RBM10: variants seen among roughly 807,000 people sequenced by gnomAD.
The protein encoded by RBM10 is RNA binding motif protein 10.
A neutral mutation model predicts 84.9 loss-of-function variants in RBM10; 1 was observed. The ratio of observed to expected loss-of-function variants is 0.01; its 90% CI spans 0.00 to 0.06. The LOEUF (loss-of-function observed/expected upper bound fraction) is 0.06, where lower values mean the gene tolerates loss of function less well. RBM10 is among the 10% of genes least tolerant of loss of function. The pLI, the probability that RBM10 is intolerant of heterozygous loss-of-function variation, is 1.00. For synonymous variants in RBM10, 326 were observed against 344.5 expected (o/e 0.95, Z 0.60); for missense variants, 438 against 839.0 (o/e 0.52, Z 5.90).
At position 47,181,831 on chromosome X, in the gene RBM10, C is replaced by T. The variant is rs782304038; in HGVS notation, c.1658C>T (p.Thr553Ile). ...CCTAGTTCTGCTCTCCCACCGGCTACCAGCCCCACTGCCCAGGAATCCTAC... is the reference window on the plus strand; with the variant it reads ...CCTAGTTCTGCTCTCCCACCGGCTATCAGCCCCACTGCCCAGGAATCCTAC... ...THPSSALPPA[T>I]SPTAQESYSQ... The change falls in exon 15 of 24, where the codon ACC (threonine) becomes ATC (isoleucine). Residue 553 changes from threonine to isoleucine, a missense_variant. Coordinates refer to ENST00000377604, the MANE Select transcript of RBM10 (RefSeq NM_005676.5). The T allele has an allele frequency of 1.1e-4, 135 of 1,209,915 alleles. No individual in the cohort carries two copies. The highest frequency in any genetic ancestry group is 1.4e-4 in the Non-Finnish European group (129 of 895,204).
At chrX:47,155,791 C>CT (rs1383389549) in intron 2 of RBM10, among the ~76,000 whole-genome samples, 3 of 97,068 alleles carry the variant, frequency 3.1e-5, no homozygotes, top group African/African-American at 1.1e-4. Flanking sequence ...CCACTAGATT[C>CT]TTTTTTTTTC....
At chrX:47,159,491 G>C (rs782314715) in intron 2 of RBM10, among the ~76,000 whole-genome samples, 5 of 110,654 alleles carry the variant, frequency 4.5e-5, no homozygotes, top group African/African-American at 1.3e-4. Flanking sequence ...TATATACCCG[G>C]TAGCAGGATT....
chrX:47,153,603 A>G (rs1198702422), intron 2 of RBM10, among the ~76,000 whole-genome samples: 2 of 110,663 alleles, frequency 1.8e-5, no homozygotes, highest in East Asian at 2.8e-4. Flanking sequence ...TAGCCATTGT[A>G]TCATCTAGGA....
At chrX:47,145,621 GTTTTTTTTTTTTTGGTTTT>G (rs1932070983) in intron 1 of RBM10, 136 bp downstream of exon 1, 4 of 186,635 alleles carry the variant, frequency 2.1e-5, no homozygotes, top group Admixed American at 1.9e-4. Flanking sequence ...ACCCGGGAGG[GTTTTTTTTTTTTTGGTTTT>G]TTTTTTTTTT....
Position 47,147,340 on chromosome X carries a change from C to T in RBM10, c.-125-17C>T, listed in dbSNP as rs1932357705. 2.5e-6 allele frequency: 3 copies of T among 1,177,770 alleles called. No individual in the cohort carries two copies. Among genetic ancestry groups the T allele is most frequent in the African/African-American group, 3.5e-5 (2 of 56,488 alleles). ...TCCCAACAGTTTTGACCCCTTTCTT[C>T]CCTCCACTCTCCCCAGAGTCCCTGC... On this transcript the variant is annotated splice_polypyrimidine_tract_variant and intron_variant, in intron 1 of 23. Coordinates refer to ENST00000377604, the MANE Select transcript of RBM10 (RefSeq NM_005676.5).
At chrX:47,162,409 A>C (rs1933786629) in intron 2 of RBM10, among the ~76,000 whole-genome samples, 1 of 112,337 alleles carries the variant, frequency 8.9e-6, no homozygotes, top group East Asian at 2.8e-4. Context: ...TGTTCTATCA[A>C]ATCTTCCTTA....
At position 47,185,471 on chromosome X, in the gene RBM10, C is replaced by T. The variant is rs1556781849; in HGVS notation, c.2196C>T (p.Tyr732=). The T allele has an allele frequency of 2.6e-6, 3 of 1,173,057 alleles. No homozygotes were observed. The highest frequency in any genetic ancestry group is 3.4e-6 in the Non-Finnish European group (3 of 875,695). ...CTCCGCGAGGACTGGTGGCAGCCTACAGCGGGGAGAGTGACAGTGAGGAGG... is the reference window on the plus strand; with the variant it reads ...CTCCGCGAGGACTGGTGGCAGCCTATAGCGGGGAGAGTGACAGTGAGGAGG... ...PSPPRGLVAA[Y]SGESDSEEEQ... The change falls in exon 20 of 24, where the codon TAC becomes TAT. Residue 732 remains tyrosine, a synonymous_variant. Transcript: ENST00000377604.
In RBM10 at chrX:47,171,161, GGGAGGAGGA is replaced by G. The variant is rs781822942; in HGVS notation, c.351_359del (p.Glu117_Glu119del). ...GACCAGGACTATCGGACCGAGCAAG[GGGAGGAGGA>G]GGAGGAGGAGGAGGATGAGGAGGAG... On this transcript the variant is annotated inframe_deletion, in exon 4 of 24. Transcript: ENST00000377604. 3 of 1,205,197 alleles carry G rather than the reference GGGAGGAGGA, an allele frequency of 2.5e-6. No individual in the cohort carries two copies. In the African/African-American group the frequency reaches 5.3e-5, roughly 21 times the overall value.
At chrX:47,184,113 A>C (rs1419566429) in intron 17 of RBM10, among the ~76,000 whole-genome samples, 1 of 111,613 alleles carries the variant, frequency 9.0e-6, no homozygotes, top group Non-Finnish European at 1.9e-5. Context: ...CCTGCCTGTC[A>C]ACACTGTTGC....
Position 47,171,174 on chromosome X carries a change from G to GGAGGAGGAGGAT in RBM10, c.360_371dup (p.Asp120_Glu123dup), listed in dbSNP as rs782459618. 8.3e-7 allele frequency: 1 copy of GGAGGAGGAGGAT among 1,208,694 alleles called. No homozygotes were observed. Among genetic ancestry groups the GGAGGAGGAGGAT allele is most frequent in the African/African-American group, 1.7e-5 (1 of 57,616 alleles). On this transcript the variant is annotated inframe_insertion, in exon 4 of 24. Coordinates refer to ENST00000377604, the MANE Select transcript of RBM10 (RefSeq NM_005676.5). ...GGACCGAGCAAGGGGAGGAGGAGGA[G>GGAGGAGGAGGAT]GAGGAGGAGGATGAGGAGGAGGAGG...
chrX:47,175,410 C>T, intron 6 of RBM10, among the ~76,000 whole-genome samples: 1 of 110,633 alleles, frequency 9.0e-6, no homozygotes. Flanking sequence ...GCTTCCCACT[C>T]CCCCGGGGCT....
chrX:47,179,806 G>C (rs1935393847), intron 9 of RBM10, 74 bp from the exon 10 acceptor site: 1 of 1,097,716 alleles, frequency 9.1e-7, no homozygotes, highest in Non-Finnish European at 1.2e-6. Context: ...AGGAAAGGGA[G>C]CAGTGGGGGC....
intron 2 of RBM10, among the ~76,000 whole-genome samples, chrX:47,168,286 C>T (rs1337439620): frequency 8.1e-5 from 9 of 111,657 alleles, no homozygotes; most frequent in South Asian, 3.7e-4. Flanking sequence ...CAGTGGTGGA[C>T]GCCTGTAATC....
rs112340044 is a variant in RBM10 at position 47,164,412 on chromosome X, C to T, written c.18-4903C>T. Among the ~76,000 whole-genome samples, 362 of 108,809 alleles carry T rather than the reference C, an allele frequency of 3.3e-3. 1 individual carries two copies. The highest frequency in any genetic ancestry group is 0.011 in the African/African-American group (315 of 29,795). 94.5% of individuals were successfully genotyped at this position (108,809 alleles called of 115,157 possible). On this transcript the variant is annotated intron_variant, in intron 2 of 23. Coordinates refer to ENST00000377604, the MANE Select transcript of RBM10 (RefSeq NM_005676.5). ...AACATCAGCCAGGTGTGGTGGCAGG[C>T]GCCTGTAATCACTGCTACTCGGGAG... is the stretch of plus-strand genomic sequence containing the variant.
chrX:47,179,762 G>A (rs782042635), intron 9 of RBM10, 118 bp from the exon 10 acceptor site: 401 of 960,795 alleles, frequency 4.2e-4, no homozygotes, highest in Non-Finnish European at 5.5e-4. Flanking sequence ...TGAGGGAAGC[G>A]GCAGTTGCAA....
intron 1 of RBM10, among the ~76,000 whole-genome samples, chrX:47,146,192 T>C (rs1318758298): frequency 1.8e-5 from 2 of 110,891 alleles, no homozygotes; most frequent in Non-Finnish European, 3.8e-5. Flanking sequence ...CCCGTAGTTA[T>C]TTGGGGCTCG....
chrX:47,179,228 G>A (rs1381085741), intron 8 of RBM10, 65 bp downstream of exon 8: 1 of 1,191,324 alleles, frequency 8.4e-7, no homozygotes, highest in Non-Finnish European at 1.1e-6. Context: ...AAGGGTGAGG[G>A]GTCTGTGCTC....
intron 2 of RBM10, among the ~76,000 whole-genome samples, chrX:47,161,467 C>T (rs1481224253): frequency 9.6e-6 from 1 of 104,148 alleles, no homozygotes; most frequent in African/African-American, 3.5e-5. Flanking sequence ...AATTAATTTA[C>T]CTTTATAATG....
rs782123058 is a variant in RBM10 at position 47,182,253 on chromosome X, A to G, written c.1877A>G (p.His626Arg). ...GCCCTGGAGCAGTCGGCCGACGGAC[A>G]TAAGGAGACAGGGGCACCCTCGAAG... is the stretch of plus-strand genomic sequence containing the variant. ...VPALEQSADG[H>R]KETGAPSKEG... Residue 626 changes from histidine to arginine, a missense_variant, in exon 17 of 24, where the codon CAT becomes CGT. His to Arg is a conservative substitution (Grantham distance 29). Coordinates refer to ENST00000377604, the MANE Select transcript of RBM10 (RefSeq NM_005676.5). The G allele has an allele frequency of 2.5e-6, 3 of 1,210,340 alleles. No homozygotes were observed. Among genetic ancestry groups the G allele is most frequent in the African/African-American group, 3.5e-5 (2 of 57,345 alleles).
Sources: allele counts gnomAD v4.1 joint callset (sites outside exome capture counted in the v4.1 genomes callset), GRCh38; gene constraint gnomAD v4.1.1; transcripts MANE v1.5; gene names NCBI Gene and HGNC (gene_info 2026-07-23, HGNC 2026-07-21).